SCRG1: variants seen among roughly 807,000 people sequenced by gnomAD.
SCRG1 encodes scrapie-responsive protein 1.
SCRG1 carries 3 observed loss-of-function variants against 7.7 expected under a neutral mutation model. The observed-to-expected ratio is 0.39, with a 90% CI of 0.18 to 1.01. SCRG1 has a LOEUF of 1.01. SCRG1 is among the 50% of genes least tolerant of loss of function. The probability of loss-of-function intolerance (pLI) is 0.36; values close to 1 mark genes in which losing one functional copy is unlikely to be tolerated. For synonymous variants in SCRG1, 46 were observed against 41.2 expected (o/e 1.12, Z -0.44); for missense variants, 110 against 117.2 (o/e 0.94, Z 0.28).
the SCRG1 span, among the ~76,000 whole-genome samples, chr4:173,489,895 C>T: frequency 1.3e-5 from 2 of 152,112 alleles, no homozygotes; most frequent in African/African-American, 4.8e-5. Flanking sequence ...AATGTATTCT[C>T]TTTTTATTCC....
chr4:173,410,118 G>C (rs2126927547), upstream of SCRG1, among the ~76,000 whole-genome samples: 1 of 152,318 alleles, frequency 6.6e-6, no homozygotes, highest in South Asian at 2.1e-4. Context: ...GAAGGGCTAA[G>C]ATAGCTCTGA....
At chr4:173,470,056 C>A in the SCRG1 span, 1 of 149,788 alleles carries the variant, frequency 6.7e-6, no homozygotes, top group East Asian at 2.0e-4. Context: ...AATGGGGACA[C>A]GAGATAGAGT....
chr4:173,450,498 G>C, the SCRG1 span, among the ~76,000 whole-genome samples: 12 of 152,186 alleles, frequency 7.9e-5, no homozygotes, highest in African/African-American at 2.9e-4. Context: ...GCAGTGATTA[G>C]TTGAGAGCAT....
At chr4:173,485,602 C>A in the SCRG1 span, among the ~76,000 whole-genome samples, 5 of 152,172 alleles carry the variant, frequency 3.3e-5, no homozygotes, top group Middle Eastern at 3.4e-3. Flanking sequence ...TACTATCTAA[C>A]CACTTCAAGA....
the SCRG1 span, among the ~76,000 whole-genome samples, chr4:173,446,964 T>C: frequency 6.6e-6 from 1 of 152,238 alleles, no homozygotes; most frequent in East Asian, 1.9e-4. Flanking sequence ...CTTCAAGGAA[T>C]GTTGCCAGTG....
chr4:173,491,149 G>A, the SCRG1 span, among the ~76,000 whole-genome samples: 1 of 151,554 alleles, frequency 6.6e-6, no homozygotes, highest in Non-Finnish European at 1.5e-5. Flanking sequence ...CACTTTATTA[G>A]GCCTCTTAAA....
At chr4:173,443,889 G>A in the SCRG1 span, among the ~76,000 whole-genome samples, 14 of 151,732 alleles carry the variant, frequency 9.2e-5, no homozygotes, top group East Asian at 1.9e-4. Context: ...GTTCAGGACC[G>A]TGTCATATAT....
the SCRG1 span, among the ~76,000 whole-genome samples, chr4:173,486,873 G>A: frequency 3.7e-4 from 57 of 152,246 alleles, 1 homozygote; most frequent in African/African-American, 1.0e-3. Context: ...CCCTCTTCCA[G>A]GGTTCCTGTC....
chr4:173,400,459 A>T (rs141151443), upstream of SCRG1, among the ~76,000 whole-genome samples: 1 of 152,254 alleles, frequency 6.6e-6, no homozygotes, highest in Non-Finnish European at 1.5e-5. Context: ...CCCTAAATAC[A>T]GTTGAGAATG....
the SCRG1 span, among the ~76,000 whole-genome samples, chr4:173,479,004 A>G: frequency 6.6e-6 from 1 of 152,118 alleles, no homozygotes; most frequent in Non-Finnish European, 1.5e-5. Flanking sequence ...ATTACTCTAT[A>G]CTAAGAGTCT....
chr4:173,451,402 A>G, the SCRG1 span, among the ~76,000 whole-genome samples: 1 of 151,958 alleles, frequency 6.6e-6, no homozygotes, highest in African/African-American at 2.4e-5. Flanking sequence ...AGTTAGCTCC[A>G]TTCAGAAAGC....
the SCRG1 span, among the ~76,000 whole-genome samples, chr4:173,476,568 C>T: frequency 1.7e-4 from 26 of 151,884 alleles, no homozygotes; most frequent in African/African-American, 6.3e-4. Context: ...AGCATATGGA[C>T]AGGGAAAGTT....
At chr4:173,485,225 T>C in the SCRG1 span, among the ~76,000 whole-genome samples, 1 of 119,896 alleles carries the variant, frequency 8.3e-6, no homozygotes, top group African/African-American at 3.5e-5. Context: ...AGGATAAATT[T>C]TTTTTTTAAA....
the SCRG1 span, among the ~76,000 whole-genome samples, chr4:173,492,652 C>CGAGGCT: frequency 6.6e-6 from 1 of 152,302 alleles, no homozygotes; most frequent in East Asian, 1.9e-4. Flanking sequence ...CCTACACCCA[C>CGAGGCT]GAGGCTGGAG....
the SCRG1 span, among the ~76,000 whole-genome samples, chr4:173,442,996 TG>T: frequency 5.3e-5 from 8 of 152,296 alleles, no homozygotes; most frequent in African/African-American, 1.7e-4. Context: ...GTGCAATGCT[TG>T]GGGGCATAAT....
the SCRG1 span, among the ~76,000 whole-genome samples, chr4:173,452,307 G>A: frequency 3.9e-5 from 6 of 152,140 alleles, no homozygotes; most frequent in African/African-American, 1.4e-4. Context: ...TGGATCATCA[G>A]AGAGGTCTTC....
the SCRG1 span, among the ~76,000 whole-genome samples, chr4:173,504,754 C>G: frequency 6.6e-6 from 1 of 152,340 alleles, no homozygotes; most frequent in East Asian, 1.9e-4. The surrounding 1 kb of genome is among the most constrained non-coding windows in gnomAD (Gnocchi z 4.7). Context: ...CCATCCTTCT[C>G]AGAGGAGGAA....
chr4:173,432,543 G>A, the SCRG1 span, among the ~76,000 whole-genome samples: 2 of 151,444 alleles, frequency 1.3e-5, no homozygotes, highest in Non-Finnish European at 1.5e-5. Flanking sequence ...CTACCCATTC[G>A]CCGGTATCTG....
chr4:173,398,867 T>C (rs1739675632), intron 1 of SCRG1, among the ~76,000 whole-genome samples: 1 of 152,162 alleles, frequency 6.6e-6, no homozygotes, highest in African/African-American at 2.4e-5. Flanking sequence ...AATATACATT[T>C]TCTGTTCTTT....
Sources: allele counts gnomAD v4.1 joint callset (sites outside exome capture counted in the v4.1 genomes callset), GRCh38; gene constraint gnomAD v4.1.1; non-coding constraint Gnocchi (gnomAD v3.1); transcripts MANE v1.5; gene names NCBI Gene and HGNC (gene_info 2026-07-23, HGNC 2026-07-21).